The following MTMR1 variants were observed in gnomAD, a reference collection of about 807,000 sequenced individuals.
MTMR1 encodes phosphatidylinositol-3-phosphate phosphatase MTMR1.
Under a neutral mutation model 51.6 loss-of-function variants are expected in MTMR1, and 17 were observed. That is an observed-to-expected ratio of 0.33 (90% CI 0.23 to 0.49). The LOEUF (loss-of-function observed/expected upper bound fraction) is 0.49. Among genes scored for constraint, MTMR1 ranks in the 20% least tolerant of loss-of-function variants. MTMR1 has a pLI of 0.99. For missense variants in MTMR1, 386 were observed against 526.9 expected, an observed-to-expected ratio of 0.73 and a Z score of 2.62; for synonymous variants, 201 against 205.6, an observed-to-expected ratio of 0.98 and a Z score of 0.19.
rs782748165 is a variant in MTMR1, at chrX:150,736,719, C to T, written c.1205C>T (p.Ser402Leu). 8.3e-6 allele frequency: 10 copies of T among 1,209,660 alleles called. No individual in the cohort carries two copies. Among genetic ancestry groups the T allele is most frequent in the Admixed American group, 4.4e-5 (2 of 45,751 alleles). The change falls in exon 11 of 16, where the codon TCG becomes TTG. Residue 402 changes from serine (S) to leucine (L), a missense_variant. Coordinates refer to ENST00000445323, the MANE Select transcript of MTMR1 (RefSeq NM_001306144.3). Reference sequence around the variant, plus strand: ...AAATTAAAAGAGATTGTGTACCCTTCGATCGATGAGGCGCGGTGGCTCTCC... The same window carrying T: ...AAATTAAAAGAGATTGTGTACCCTTTGATCGATGAGGCGCGGTGGCTCTCC... ...LRKLKEIVYP[S>L]IDEARWLSNV...
intron 8 of MTMR1, 105 bp from the exon 9 acceptor site, chrX:150,731,365 G>A (rs1004740781): frequency 1.0e-5 from 7 of 669,536 alleles, no homozygotes; most frequent in South Asian, 1.2e-4. Flanking sequence ...AATTATAAAC[G>A]GATTTTAGTT....
chrX:150,751,369 G>T, intron 14 of MTMR1: 1 of 334,336 alleles, frequency 3.0e-6, no homozygotes, highest in Non-Finnish European at 4.0e-6. Context: ...AAAGTGAGAA[G>T]GCATTGGAAA....
intron 15 of MTMR1, among the ~76,000 whole-genome samples, chrX:150,757,526 T>G (rs2042939051): frequency 8.9e-6 from 1 of 112,400 alleles, no homozygotes; most frequent in Admixed American, 9.4e-5. Context: ...AGCCTAGTAC[T>G]TGTACGCTGG....
chrX:150,728,856 A>G (rs2042022563), intron 6 of MTMR1, among the ~76,000 whole-genome samples: 1 of 109,086 alleles, frequency 9.2e-6, no homozygotes, highest in Non-Finnish European at 1.9e-5. Context: ...GACTGCGTTC[A>G]AAACCATTTT....
At chrX:150,694,305 A>G (rs1557415680) in intron 1 of MTMR1, among the ~76,000 whole-genome samples, 1 of 112,169 alleles carries the variant, frequency 8.9e-6, no homozygotes, top group Non-Finnish European at 1.9e-5. Flanking sequence ...TTTCATGAAC[A>G]CACAAGCAAG....
In MTMR1 at chrX:150,698,727, A is replaced by ACACACACAC. The variant is rs1557415824; in HGVS notation, c.147-468_147-467insCACACACAC. On this transcript the variant is annotated intron_variant, in intron 1 of 15. Coordinates refer to ENST00000445323, the MANE Select transcript of MTMR1 (RefSeq NM_001306144.3). ...ACACACACACACACACACACACACA[A>ACACACACAC]AAGCCGGGCCTGGTGGCATGTGCCT... is the stretch of plus-strand genomic sequence containing the variant. Among the ~76,000 whole-genome samples the ACACACACAC allele has an allele frequency of 1.7e-4, 15 of 85,990 alleles. No individual in the cohort carries two copies. In the East Asian group the frequency reaches 3.6e-3, roughly 21 times the overall value. 74.7% of individuals were successfully genotyped at this position (85,990 alleles called of 115,157 possible).
intron 10 of MTMR1, among the ~76,000 whole-genome samples, chrX:150,734,149 C>T (rs1303589060): frequency 8.9e-6 from 1 of 112,457 alleles, no homozygotes; most frequent in Non-Finnish European, 1.9e-5. Context: ...TCTCTTCTTC[C>T]GTCATCACAT....
intron 3 of MTMR1, chrX:150,714,430 C>T: frequency 1.1e-6 from 1 of 876,077 alleles, no homozygotes; most frequent in Non-Finnish European, 1.5e-6. Context: ...GCACGTGTTT[C>T]TCTTTCTCCT....
intron 14 of MTMR1, among the ~76,000 whole-genome samples, chrX:150,755,150 C>T (rs2042869364): frequency 9.0e-6 from 1 of 111,506 alleles, no homozygotes; most frequent in Admixed American, 9.5e-5. Context: ...AAACTCCTGG[C>T]CTCAAGCAAT....
At chrX:150,730,889 G>A (rs782360638) in intron 8 of MTMR1, among the ~76,000 whole-genome samples, 5 of 111,907 alleles carry the variant, frequency 4.5e-5, no homozygotes, top group Non-Finnish European at 9.4e-5. Flanking sequence ...TTTATTAGAT[G>A]TTCTGGTAAA....
chrX:150,707,226 C>A, intron 2 of MTMR1, among the ~76,000 whole-genome samples: 1 of 111,532 alleles, frequency 9.0e-6, no homozygotes, highest in African/African-American at 3.3e-5. Context: ...AAGCACAATC[C>A]ATAAAAGGAA....
chrX:150,704,750 G>C (rs1274092874), intron 2 of MTMR1, among the ~76,000 whole-genome samples: 1 of 111,954 alleles, frequency 8.9e-6, no homozygotes, highest in African/African-American at 3.3e-5. Context: ...TGTTGGAGCA[G>C]TGTCAGAGAA....
At chrX:150,730,232 T>C in intron 7 of MTMR1, 22 bp downstream of exon 7, 1 of 1,057,313 alleles carries the variant, frequency 9.5e-7, no homozygotes, top group Non-Finnish European at 1.3e-6. Context: ...AGAGTAAACC[T>C]TTTCTGCATG....
intron 14 of MTMR1, among the ~76,000 whole-genome samples, chrX:150,752,694 GAC>G (rs1181482626): frequency 6.9e-5 from 6 of 86,653 alleles, no homozygotes; most frequent in African/African-American, 2.7e-4. Context: ...GAGCTCTCTT[GAC>G]ACATAATTTA....
At chrX:150,728,450 G>A (rs1188881138) in intron 6 of MTMR1, among the ~76,000 whole-genome samples, 2 of 111,806 alleles carry the variant, frequency 1.8e-5, no homozygotes, top group Admixed American at 9.4e-5. Flanking sequence ...TTAAGACTAC[G>A]TTCAGAACAA....
chrX:150,729,218 CCACACACACA>C (rs57306023), intron 6 of MTMR1, among the ~76,000 whole-genome samples: 1 of 100,104 alleles, frequency 1.0e-5, no homozygotes, highest in East Asian at 3.1e-4. Context: ...ACACACCCAC[CCACACACACA>C]CACACACACA....
intron 11 of MTMR1, 34 bp downstream of exon 11, chrX:150,736,814 TTAA>T (rs2042284506): frequency 8.8e-7 from 1 of 1,131,518 alleles, no homozygotes. Context: ...TGCTTTCCAG[TTAA>T]GACTTCTTTG....
rs782401700 is a variant in MTMR1 at position 150,732,726 on chromosome X, A to G, written c.1076A>G (p.Asn359Ser). The G allele has an allele frequency of 3.2e-5, 38 of 1,197,051 alleles. No individual in the cohort carries two copies. The highest frequency in any genetic ancestry group is 4.2e-5 in the Non-Finnish European group (37 of 886,629). Residue 359 changes from asparagine (N) to serine (S), a missense_variant, in exon 10 of 16, where the codon AAC becomes AGC. Physicochemically the swap from Asn to Ser is conservative, Grantham distance 46. Coordinates refer to ENST00000445323, the MANE Select transcript of MTMR1 (RefSeq NM_001306144.3). ...CGACAAAACAGTGTCGCTGATACCA[A>G]CAAGGTATATTCTTAATAGCACTGC... ...DARQNSVADT[N>S]KTKGGGYESE...
At chrX:150,732,490 G>A (rs1169522336) in intron 9 of MTMR1, 52 bp from the exon 10 acceptor site, 1 of 1,059,465 alleles carries the variant, frequency 9.4e-7, no homozygotes, top group Non-Finnish European at 1.3e-6. Flanking sequence ...CAGGTAATTA[G>A]AGCATACATT....
Sources: allele counts gnomAD v4.1 joint callset (sites outside exome capture counted in the v4.1 genomes callset), GRCh38; gene constraint gnomAD v4.1.1; transcripts MANE v1.5; gene names NCBI Gene and HGNC (gene_info 2026-07-23, HGNC 2026-07-21).